The following FBXW8 variants were observed in gnomAD, a reference collection of about 807,000 sequenced individuals.
FBXW8 encodes F-box/WD repeat-containing protein 8.
FBXW8 carries 57 observed loss-of-function variants against 65.3 expected under a neutral mutation model. That is an observed-to-expected ratio of 0.87 (90% CI 0.71 to 1.09). The LOEUF (loss-of-function observed/expected upper bound fraction) is 1.09. Ranked by LOEUF, FBXW8 falls within the 50% of genes least tolerant of loss-of-function variation. The pLI is 0.00. For missense variants in FBXW8, 777 were observed against 814.8 expected (o/e 0.95, Z 0.57); for synonymous variants, 308 against 330.2 (o/e 0.93, Z 0.73).
rs1445399564 is a variant in FBXW8, at chr12:116,961,292, C to A, written c.678-3405C>A. Among the ~76,000 whole-genome samples, 1 of 152,192 alleles carries A rather than the reference C, an allele frequency of 6.6e-6. No individual in the cohort carries two copies. Among genetic ancestry groups the A allele is most frequent in the African/African-American group, 2.4e-5 (1 of 41,442 alleles). The stretch of plus-strand genomic sequence containing the variant: ...GGGATTACAGGCATGAGCCACCGTG[C>A]CCGGCCTGTATCTGCACTTTTTAAA... On this transcript the variant is annotated intron_variant, in intron 4 of 10. Coordinates refer to ENST00000652555, the MANE Select transcript of FBXW8 (RefSeq NM_153348.3). This position sits in a 1 kb window ranked among gnomAD's most constrained non-coding sequence, Gnocchi z 4.4.
intron 4 of FBXW8, among the ~76,000 whole-genome samples, chr12:116,952,130 A>AT (rs1289029641): frequency 1.3e-5 from 2 of 152,004 alleles, no homozygotes; most frequent in East Asian, 1.9e-4. Flanking sequence ...TGACTGCATC[A>AT]TTTTTTTAGT....
intron 4 of FBXW8, among the ~76,000 whole-genome samples, chr12:116,960,643 T>C (rs4542506): frequency 0.7 from 106,608 of 152,074 alleles, 41,081 homozygotes; most frequent in Non-Finnish European, 0.85. Context: ...ATCATTACCA[T>C]TGGAAAGTGG....
rs143905838 is a variant in FBXW8 at position 117,027,445 on chromosome 12, C to T, written c.1593C>T (p.Asn531=). The T allele has an allele frequency of 9.7e-5, 156 of 1,614,184 alleles. No individual in the cohort carries two copies. Among genetic ancestry groups the T allele is most frequent in the Admixed American group, 2.5e-4 (15 of 60,024 alleles). ...GCAGCCACAGCCTCATCACGGCCAA[C>T]GTGCCTTACCAGACGGTAATGCGAA... ...SFSSHSLITA[N]VPYQTVMRNA... is the part of the protein sequence containing the mutation. The change falls in exon 10 of 11, where the codon AAC becomes AAT. Residue 531 remains asparagine, a synonymous_variant. Transcript: ENST00000652555.
chr12:116,924,815 C>T (rs1881192745), intron 1 of FBXW8, among the ~76,000 whole-genome samples: 1 of 152,204 alleles, frequency 6.6e-6, no homozygotes. Flanking sequence ...AATATGCTCA[C>T]AACTCTGCCT....
chr12:116,942,278 C>T (rs1262826012), intron 2 of FBXW8, among the ~76,000 whole-genome samples: 1 of 151,878 alleles, frequency 6.6e-6, no homozygotes. Context: ...GCCTCGGCCT[C>T]CAAAGGTGCT....
intron 5 of FBXW8, among the ~76,000 whole-genome samples, chr12:116,969,450 C>T (rs888783037): frequency 2.0e-5 from 3 of 152,164 alleles, no homozygotes; most frequent in Non-Finnish European, 4.4e-5. Flanking sequence ...CTAACATTTT[C>T]GTGAATAGCT....
rs372502629 is a variant in FBXW8, at chr12:116,945,391, G to T, written c.451G>T (p.Glu151Ter). 4.0e-5 allele frequency: 65 copies of T among 1,613,376 alleles called. No homozygotes were observed. The highest frequency in any genetic ancestry group is 5.3e-5 in the African/African-American group (4 of 74,936). Residue 151 changes from glutamate to a stop codon, truncating the protein, a stop_gained, in exon 3 of 11, where the codon GAG (glutamate) becomes TAG (stop). Transcript: ENST00000652555. LOFTEE classifies it high-confidence loss of function. ...GAGCAAGACGTGGAAGGTGATTGCA[G>T]AGGATGAGGTGCTGTGGTACAGGCT... ...QVSKTWKVIA[E>*]DEVLWYRLCQ...
chr12:116,997,659 G>C (rs1036827958), intron 7 of FBXW8, among the ~76,000 whole-genome samples: 2 of 152,148 alleles, frequency 1.3e-5, no homozygotes, highest in African/African-American at 4.8e-5. Context: ...TGTGGAAGGG[G>C]GTTCCATCGG....
chr12:116,919,947 C>G (rs970281921), intron 1 of FBXW8, among the ~76,000 whole-genome samples: 2 of 152,202 alleles, frequency 1.3e-5, no homozygotes, highest in Non-Finnish European at 1.5e-5. Flanking sequence ...AAGTTAAACA[C>G]AAATAAGTAA....
chr12:116,925,055 G>T (rs1211918459), intron 1 of FBXW8, among the ~76,000 whole-genome samples: 2 of 151,722 alleles, frequency 1.3e-5, no homozygotes, highest in Admixed American at 1.3e-4. Flanking sequence ...GACTATCGTG[G>T]GTCATGTCTA....
Position 117,028,140 on chromosome 12 carries a change from C to T in FBXW8, c.1765C>T (p.Leu589Phe), listed in dbSNP as rs201176652. The change falls in exon 11 of 11, where the codon CTC becomes TTC. Residue 589 changes from leucine to phenylalanine, a missense_variant. Physicochemically the swap from Leu to Phe is conservative, Grantham distance 22. Coordinates refer to ENST00000652555, the MANE Select transcript of FBXW8 (RefSeq NM_153348.3). This position sits in a 1 kb window ranked among gnomAD's most constrained non-coding sequence, Gnocchi z 4.1. ...CGCCATGGCCACTCACTACTACGAC[C>T]TCGCACTGGCCTTTCCCTATAACCA... ...CDAMATHYYDLALAFPYNHV is the reference protein window; with the variant it reads ...CDAMATHYYDFALAFPYNHV 2 of 1,614,168 alleles carry T rather than the reference C, an allele frequency of 1.2e-6. No homozygotes were observed. The highest frequency in any genetic ancestry group is 8.5e-7 in the Non-Finnish European group (1 of 1,180,020).
intron 3 of FBXW8, among the ~76,000 whole-genome samples, chr12:116,947,171 T>A (rs1007473384): frequency 2.0e-5 from 3 of 152,180 alleles, no homozygotes; most frequent in South Asian, 2.1e-4. Context: ...ACTTTACAAG[T>A]TATATACAAT....
chr12:116,918,306 G>A (rs1336242880), intron 1 of FBXW8, among the ~76,000 whole-genome samples: 2 of 152,146 alleles, frequency 1.3e-5, no homozygotes, highest in African/African-American at 4.8e-5. Flanking sequence ...GAGTGGCTGT[G>A]ATACCAACTT....
At chr12:116,980,494 T>C (rs1339188030) in intron 5 of FBXW8, 2 of 152,168 alleles carry the variant, frequency 1.3e-5, no homozygotes, top group Non-Finnish European at 2.9e-5. Context: ...TTCCTTACCA[T>C]AGGGCATAGA....
intron 8 of FBXW8, among the ~76,000 whole-genome samples, chr12:117,011,675 C>G (rs1219637379): frequency 2.6e-5 from 4 of 152,048 alleles, no homozygotes; most frequent in Non-Finnish European, 4.4e-5. Flanking sequence ...CCTAGGATCT[C>G]CACACAGGGA....
At position 116,911,712 on chromosome 12, in the gene FBXW8, AG is replaced by A. The variant is rs201675996; in HGVS notation, c.318+358del. On this transcript the variant is annotated intron_variant, in intron 1 of 10. Coordinates refer to ENST00000652555, the MANE Select transcript of FBXW8 (RefSeq NM_153348.3). ...AAAAAATTATCCAGGACAAAATATC[AG>A]TAAGTGTGGGGTTGAGAAATCCTGC... Among the ~76,000 whole-genome samples the A allele has an allele frequency of 5.3e-3, 801 of 152,268 alleles. 3 individuals carry two copies. Among genetic ancestry groups the A allele is most frequent in the Non-Finnish European group, 8.3e-3 (566 of 68,012 alleles).
rs571494677 is a variant in FBXW8, at chr12:116,933,322, T to C, written c.423+5195T>C. On this transcript the variant is annotated intron_variant, in intron 2 of 10. Coordinates refer to ENST00000652555, the MANE Select transcript of FBXW8 (RefSeq NM_153348.3). Reference sequence around the variant, plus strand: ...TAGCGAGCTGCTGTTTAAGAAATCATTTCTTTTAACATTGCTTTTTGCTCC... The same window carrying C: ...TAGCGAGCTGCTGTTTAAGAAATCACTTCTTTTAACATTGCTTTTTGCTCC... Among the ~76,000 whole-genome samples, 17 of 152,354 alleles carry C rather than the reference T, an allele frequency of 1.1e-4. No homozygotes were observed. The South Asian group carries it at 3.3e-3, about 30-fold the overall frequency.
At chr12:116,944,056 G>A (rs11608681) in intron 2 of FBXW8, among the ~76,000 whole-genome samples, 16,743 of 152,128 alleles carry the variant, frequency 0.11, 1,117 homozygotes, top group Middle Eastern at 0.22. Flanking sequence ...CTAGGCTGCC[G>A]GTTTTTACAG....
At chr12:117,012,148 A>G (rs1011312568) in intron 8 of FBXW8, among the ~76,000 whole-genome samples, 1 of 149,260 alleles carries the variant, frequency 6.7e-6, no homozygotes, top group African/African-American at 2.5e-5. Flanking sequence ...AGTAAAGCTG[A>G]CTTTTCCTCT....
Sources: allele counts gnomAD v4.1 joint callset (sites outside exome capture counted in the v4.1 genomes callset), GRCh38; gene constraint gnomAD v4.1.1; non-coding constraint Gnocchi (gnomAD v3.1); transcripts MANE v1.5; gene names NCBI Gene and HGNC (gene_info 2026-07-23, HGNC 2026-07-21).